SMG6: variants seen among roughly 807,000 people sequenced by gnomAD.
SMG6 encodes SMG6 nonsense mediated mRNA decay factor.
In SMG6, 66 loss-of-function variants were observed where a neutral mutation model predicts 142.2. The ratio of observed to expected loss-of-function variants is 0.46; its 90% CI spans 0.38 to 0.57. SMG6 has a LOEUF of 0.57. Ranked by LOEUF, SMG6 falls within the 20% of genes least tolerant of loss-of-function variation. The pLI is 0.00. For synonymous variants in SMG6, 779 were observed against 702.4 expected (o/e 1.11, Z -1.72); for missense variants, 1,793 against 1,832.0 (o/e 0.98, Z 0.39).
chr17:2,090,117 A>T (rs556466057), intron 13 of SMG6, among the ~76,000 whole-genome samples: 67 of 141,710 alleles, frequency 4.7e-4, no homozygotes, highest in African/African-American at 1.7e-3. Flanking sequence ...TGGGAGGTGG[A>T]GGTTGCAGTG....
At chr17:2,175,524 G>A (rs2071630599) in intron 12 of SMG6, among the ~76,000 whole-genome samples, 1 of 152,054 alleles carries the variant, frequency 6.6e-6, no homozygotes, top group Non-Finnish European at 1.5e-5. Context: ...CTAAGGCTCA[G>A]ATAAACCAAA....
intron 5 of SMG6, 65 bp from the exon 6 acceptor site, chr17:2,292,695 T>C (rs2075064759): frequency 6.4e-7 from 1 of 1,569,584 alleles, no homozygotes; most frequent in African/African-American, 1.4e-5. Flanking sequence ...TTCATCCTGA[T>C]AGCCCTAATA....
intron 13 of SMG6, among the ~76,000 whole-genome samples, chr17:2,157,829 T>C (rs965643888): frequency 6.6e-6 from 1 of 152,162 alleles, no homozygotes; most frequent in Non-Finnish European, 1.5e-5. Flanking sequence ...GCTGGCTGAT[T>C]TGTAACCTGT....
intron 13 of SMG6, among the ~76,000 whole-genome samples, chr17:2,107,358 A>G (rs908535917): frequency 6.6e-6 from 1 of 152,218 alleles, no homozygotes; most frequent in Non-Finnish European, 1.5e-5. Context: ...ATGCTGTAAA[A>G]AAGTGGGGGA....
At chr17:2,088,619 G>C (rs938678698) in intron 13 of SMG6, 2 of 985,334 alleles carry the variant, frequency 2.0e-6, no homozygotes, top group Non-Finnish European at 2.4e-6. Flanking sequence ...GAGAAAGGTT[G>C]TCTGTCTTTT....
intron 15 of SMG6, among the ~76,000 whole-genome samples, chr17:2,076,232 C>T (rs1045684617): frequency 3.3e-5 from 5 of 152,152 alleles, no homozygotes; most frequent in African/African-American, 9.7e-5. Context: ...TTACACCTCT[C>T]GGTTAACACC....
intron 8 of SMG6, among the ~76,000 whole-genome samples, chr17:2,273,158 C>G (rs2074575360): frequency 6.6e-6 from 1 of 152,098 alleles, no homozygotes; most frequent in African/African-American, 2.4e-5. Flanking sequence ...AGTGAGCTCT[C>G]TGTTAATGAA....
At chr17:2,302,682 AAG>A (rs747490214) in intron 1 of SMG6, among the ~76,000 whole-genome samples, 14 of 152,334 alleles carry the variant, frequency 9.2e-5, no homozygotes, top group Non-Finnish European at 1.9e-4. Context: ...AGGGGAAGAA[AAG>A]AGACTGAGGT....
intron 13 of SMG6, among the ~76,000 whole-genome samples, chr17:2,160,920 TA>T (rs1186588638): frequency 6.6e-6 from 1 of 151,972 alleles, no homozygotes; most frequent in East Asian, 1.9e-4. Flanking sequence ...TAAAGAAAAC[TA>T]AAAAGGGTGA....
rs2068006941 is a variant in SMG6, at chr17:2,068,400, G to C, written c.3835+378C>G. ...ATCTAACCACTTCAAAATCCTCCCAGCCTCCCTGCCAGACCACCCAGCAGC... is the reference window on the plus strand; with the variant it reads ...ATCTAACCACTTCAAAATCCTCCCACCCTCCCTGCCAGACCACCCAGCAGC... On this transcript the variant is annotated intron_variant, in intron 16 of 18. Coordinates refer to ENST00000263073, the MANE Select transcript of SMG6 (RefSeq NM_017575.5). This position sits in a 1 kb window ranked among gnomAD's most constrained non-coding sequence, Gnocchi z 6.7. Among the ~76,000 whole-genome samples the C allele has an allele frequency of 6.6e-6, 1 of 152,170 alleles. No homozygotes were observed. The highest frequency in any genetic ancestry group is 6.5e-5 in the Admixed American group (1 of 15,282).
At chr17:2,277,170 T>C (rs923389604) in intron 8 of SMG6, among the ~76,000 whole-genome samples, 1 of 65,834 alleles carries the variant, frequency 1.5e-5, no homozygotes, top group East Asian at 2.7e-4. Context: ...TATTTATTTT[T>C]TATTTTTTTT....
At chr17:2,119,824 G>T (rs1228257052) in intron 13 of SMG6, among the ~76,000 whole-genome samples, 2 of 152,130 alleles carry the variant, frequency 1.3e-5, no homozygotes, top group African/African-American at 4.8e-5. Flanking sequence ...GCCATGCCTG[G>T]CTAATTTTTT....
chr17:2,258,038 TACACAC>T lies in SMG6; in HGVS notation c.2662-13325_2662-13320del, dbSNP rs869173398. ...AAAAAAAAAAAAAAAAAAAAAAATATACACACACACACACACACACACACACACATA... is the reference window on the plus strand; with the variant it reads ...AAAAAAAAAAAAAAAAAAAAAAATATACACACACACACACACACACACATA... On this transcript the variant is annotated intron_variant, in intron 8 of 18. Coordinates refer to ENST00000263073, the MANE Select transcript of SMG6 (RefSeq NM_017575.5). Among the ~76,000 whole-genome samples, 72 of 89,288 alleles carry T rather than the reference TACACAC, an allele frequency of 8.1e-4. 1 individual carries two copies. Among genetic ancestry groups the T allele is most frequent in the Admixed American group, 5.1e-3 (39 of 7,684 alleles). 58.6% of individuals were successfully genotyped at this position (89,288 alleles called of 152,430 possible).
intron 13 of SMG6, among the ~76,000 whole-genome samples, chr17:2,112,228 G>T (rs1483153459): frequency 6.6e-6 from 1 of 151,928 alleles, no homozygotes; most frequent in Non-Finnish European, 1.5e-5. Flanking sequence ...AAGTCGGCCG[G>T]GCGCGGTGGC....
chr17:2,162,904 T>C (rs944993317), intron 13 of SMG6, among the ~76,000 whole-genome samples: 2 of 152,220 alleles, frequency 1.3e-5, no homozygotes, highest in African/African-American at 4.8e-5. Context: ...CAATCTAGGC[T>C]GAGTACAACC....
chr17:2,069,620 A>G (rs944618104), intron 15 of SMG6, among the ~76,000 whole-genome samples: 2 of 152,184 alleles, frequency 1.3e-5, no homozygotes, highest in African/African-American at 4.8e-5. Flanking sequence ...ACAACAACAA[A>G]CAACGAACAA....
chr17:2,076,223 T>C (rs2068254277), intron 15 of SMG6, among the ~76,000 whole-genome samples: 1 of 152,122 alleles, frequency 6.6e-6, no homozygotes, highest in African/African-American at 2.4e-5. Context: ...GGACTTGCCT[T>C]ACACCTCTCG....
intron 10 of SMG6, among the ~76,000 whole-genome samples, chr17:2,210,811 A>G (rs1176798741): frequency 6.6e-6 from 1 of 151,908 alleles, no homozygotes; most frequent in East Asian, 1.9e-4. Context: ...GAAGAAAGAC[A>G]CATAATGAGT....
At chr17:2,241,485 A>C (rs776622841) in intron 9 of SMG6, among the ~76,000 whole-genome samples, 1 of 152,212 alleles carries the variant, frequency 6.6e-6, no homozygotes, top group Non-Finnish European at 1.5e-5. Flanking sequence ...GTATTTTTTT[A>C]CCTTAATGTT....
Sources: gnomAD v4.1 joint callset for allele counts (sites outside exome capture counted in the v4.1 genomes callset) on GRCh38, gnomAD v4.1.1 for gene constraint, Gnocchi (gnomAD v3.1) non-coding constraint, MANE v1.5 for transcripts, NCBI Gene and HGNC (gene_info 2026-07-23, HGNC 2026-07-21) for gene names.